TAF6L: variants seen among roughly 807,000 people sequenced by gnomAD.
TAF6L encodes the protein TATA-box binding protein associated factor 6 like, also known as TAF6-like RNA polymerase II p300/CBP-associated factor-associated factor 65 kDa subunit 6L.
Under a neutral mutation model 57.3 loss-of-function variants are expected in TAF6L, and 34 were observed. The observed-to-expected ratio is 0.59, with a 90% CI of 0.45 to 0.79. TAF6L has a LOEUF of 0.79. Among genes scored for constraint, TAF6L ranks in the 30% least tolerant of loss-of-function variants. The pLI is 0.00. For missense variants in TAF6L, 782 were observed against 853.2 expected, an observed-to-expected ratio of 0.92 and a Z score of 1.04; for synonymous variants, 417 against 376.3, an observed-to-expected ratio of 1.11 and a Z score of -1.25.
At chr11:62,775,126 A>T (rs926683892) in intron 1 of TAF6L, among the ~76,000 whole-genome samples, 3 of 152,086 alleles carry the variant, frequency 2.0e-5, no homozygotes, top group Non-Finnish European at 2.9e-5. Context: ...AACTGACTCA[A>T]TGCTGGGGAG....
rs757200174 is a variant in TAF6L, at chr11:62,787,324, T to C, written c.*28T>C. 5.2e-6 allele frequency: 8 copies of C among 1,524,648 alleles called. No homozygotes were observed. In the Middle Eastern group the frequency reaches 5.3e-4, roughly 100 times the overall value. The allele number at this position is 1,524,648 out of a possible 1,614,324, so 94.4% of individuals were successfully genotyped here. Reference sequence around the variant, plus strand: ...CAGTGGCCCCTTCGTTCCTTGTAAATAAATCCCGCCCCCGGAAATGACGTC... The same window carrying C: ...CAGTGGCCCCTTCGTTCCTTGTAAACAAATCCCGCCCCCGGAAATGACGTC... On this transcript the variant is annotated 3_prime_UTR_variant, in exon 11 of 11. Transcript: ENST00000294168.
intron 1 of TAF6L, chr11:62,774,635 T>A: frequency 4.4e-6 from 2 of 455,240 alleles, no homozygotes; most frequent in South Asian, 3.1e-5. Flanking sequence ...CATCAGCTGC[T>A]GTTTTTGTCG....
chr11:62,786,165 G>A, intron 9 of TAF6L, 95 bp from the exon 10 acceptor site: 1 of 1,477,516 alleles, frequency 6.8e-7, no homozygotes, highest in Non-Finnish European at 9.2e-7. Flanking sequence ...CCCTGTCTAG[G>A]ATCAGAGATA....
chr11:62,780,018 T>C (rs1373192601), intron 6 of TAF6L, among the ~76,000 whole-genome samples: 1 of 142,240 alleles, frequency 7.0e-6, no homozygotes, highest in East Asian at 2.1e-4. Context: ...CTCACTGTAT[T>C]GCCCAGGCTG....
chr11:62,772,568 C>T (rs950931004), intron 1 of TAF6L, among the ~76,000 whole-genome samples: 3 of 146,690 alleles, frequency 2.0e-5, no homozygotes, highest in Non-Finnish European at 4.5e-5. Flanking sequence ...GTGGCTCTCA[C>T]GCCTGTAATT....
chr11:62,780,719 C>T lies in TAF6L; in HGVS notation c.532-1175C>T, dbSNP rs187086523. ...CCGAGGTGGGTGGATCATGTGAGGCCGGGAGTTCGAGACCAGCCTGGCCAA... is the reference window on the plus strand; with the variant it reads ...CCGAGGTGGGTGGATCATGTGAGGCTGGGAGTTCGAGACCAGCCTGGCCAA... On this transcript the variant is annotated intron_variant, in intron 6 of 10. Transcript: ENST00000294168. Among the ~76,000 whole-genome samples, 454 of 151,600 alleles carry T rather than the reference C, an allele frequency of 3.0e-3. 6 individuals carry two copies. Among genetic ancestry groups the T allele is most frequent in the African/African-American group, 0.01 (430 of 41,294 alleles).
rs971253299 is a variant in TAF6L, at chr11:62,786,978, C to T, written c.1551C>T (p.Ala517=). 46 of 1,447,966 alleles carry T rather than the reference C, an allele frequency of 3.2e-5. No homozygotes were observed. The Admixed American group carries it at 8.3e-4, about 26-fold the overall frequency. 89.7% of individuals were successfully genotyped at this position (1,447,966 alleles called of 1,614,324 possible). A position where few individuals can be genotyped will look rare whatever the true frequency, so the allele number is the denominator to read the frequency against. ...GCCCCGCGTCGGCCTCTGGGCCCGC[C>T]GCCTCTGAGAGCAGGCCCTTGCCGC... ...GGGPASASGP[A]ASESRPLPRV... Residue 517 remains alanine (A), a synonymous_variant, in exon 11 of 11, where the codon GCC becomes GCT. Transcript: ENST00000294168.
intron 6 of TAF6L, among the ~76,000 whole-genome samples, chr11:62,779,459 T>A (rs1216992338): frequency 1.3e-5 from 2 of 151,996 alleles, no homozygotes; most frequent in South Asian, 2.1e-4. Flanking sequence ...CCTCCTAAAG[T>A]GCTGGGATTA....
chr11:62,786,282 C>G lies in TAF6L; in HGVS notation c.983C>G (p.Pro328Arg), dbSNP rs1273586423. Reference protein sequence around the residue: ...GWKAVERVLYPHLSTYWTNLQ... With the variant: ...GWKAVERVLYRHLSTYWTNLQ... ...CAGGCAGTAGAACGAGTCCTGTACC[C>G]ACACCTGTCCACCTACTGGACAAAC... The change falls in exon 10 of 11, where the codon CCA (proline) becomes CGA (arginine). Residue 328 changes from proline (P) to arginine (R), a missense_variant. Transcript: ENST00000294168. 1.2e-6 allele frequency: 2 copies of G among 1,613,894 alleles called. No individual in the cohort carries two copies. The highest frequency in any genetic ancestry group is 4.5e-5 in the East Asian group (2 of 44,888).
In TAF6L at chr11:62,786,363, G is replaced by A; in HGVS notation, c.1064G>A (p.Gly355Glu). 1 of 1,614,154 alleles carries A rather than the reference G, an allele frequency of 6.2e-7. No individual in the cohort carries two copies. The highest frequency in any genetic ancestry group is 2.2e-5 in the East Asian group (1 of 44,888). Residue 355 changes from glycine (G) to glutamate (E), a missense_variant, in exon 10 of 11, where the codon GGA becomes GAA. This residue lies in a region of TAF6L where 483 missense variants were observed against 445.1 expected (regional missense o/e 1.09). Coordinates refer to ENST00000294168, the MANE Select transcript of TAF6L (RefSeq NM_006473.4). ...TCTAATGCCCAGGTCAAAGCAGATG[G>A]ACACAAAGTCTATGGAGCCATTCTG... is the stretch of plus-strand genomic sequence containing the variant. ...SVSNAQVKADGHKVYGAILVA... is the reference protein window; with the variant it reads ...SVSNAQVKADEHKVYGAILVA...
intron 2 of TAF6L, 77 bp from the exon 3 acceptor site, chr11:62,776,307 T>C (rs1199430236): frequency 6.9e-7 from 1 of 1,454,998 alleles, no homozygotes; most frequent in Non-Finnish European, 9.6e-7. Context: ...CTCTCCAGTC[T>C]GGCCCACTTC....
In TAF6L at chr11:62,786,188, T is replaced by C. The variant is rs114892877; in HGVS notation, c.961-72T>C. The stretch of plus-strand genomic sequence containing the variant: ...AGGATCAGAGATAAAGGTAGGTCTT[T>C]CATGGGAAAGGGTCCTTGAGAGGGA... On this transcript the variant is annotated intron_variant, in intron 9 of 10. Transcript: ENST00000294168. 2,787 of 1,545,862 alleles carry C rather than the reference T, an allele frequency of 1.8e-3. 52 individuals are homozygous for C. In the African/African-American group the frequency reaches 0.034, roughly 19 times the overall value.
rs1177505356 is a variant in TAF6L at position 62,782,814 on chromosome 11, C to G, written c.949C>G (p.Leu317Val). Residue 317 changes from leucine (L) to valine (V), a missense_variant, in exon 9 of 11, where the codon CTT becomes GTT. Leu to Val is a conservative substitution (Grantham distance 32, BLOSUM62 1). Transcript: ENST00000294168. ...TGGAGCCGTGGTGGGGCTGCATGCT[C>G]TTGGCTGGAAGGTGAGCACCCTGGC... Reference protein sequence around the residue: ...HYGAVVGLHALGWKAVERVLY... With the variant: ...HYGAVVGLHAVGWKAVERVLY... The G allele has an allele frequency of 6.2e-7, 1 of 1,614,072 alleles. No homozygotes were observed. Among genetic ancestry groups the G allele is most frequent in the Non-Finnish European group, 8.5e-7 (1 of 1,180,016 alleles).
Position 62,778,037 on chromosome 11 carries a change from A to G in TAF6L, c.294A>G (p.Glu98=). 1 of 1,614,088 alleles carries G rather than the reference A, an allele frequency of 6.2e-7. No homozygotes were observed. Among genetic ancestry groups the G allele is most frequent in the Non-Finnish European group, 8.5e-7 (1 of 1,180,002 alleles). Residue 98 remains glutamate, a synonymous_variant, in exon 4 of 11, where the codon GAA becomes GAG. Coordinates refer to ENST00000294168, the MANE Select transcript of TAF6L (RefSeq NM_006473.4). ...CCATGCGCCCCGCCAGGGAGGGTGA[A>G]CTCTACTTTCCTGAGGATCGAGAGG... ...ALPMRPAREG[E]LYFPEDREVN...
At chr11:62,778,555 G>A in intron 5 of TAF6L, 1 of 637,850 alleles carries the variant, frequency 1.6e-6, no homozygotes, top group East Asian at 2.7e-5. Context: ...TGGATGCTAA[G>A]ACAGAAGTCT....
intron 6 of TAF6L, among the ~76,000 whole-genome samples, chr11:62,781,046 G>C (rs1201496147): frequency 6.6e-6 from 1 of 151,388 alleles, no homozygotes; most frequent in Non-Finnish European, 1.5e-5. Flanking sequence ...GACTAGCCTG[G>C]TCAACATGGC....
chr11:62,779,095 A>G (rs903037353), intron 6 of TAF6L, 132 bp downstream of exon 6: 23 of 692,180 alleles, frequency 3.3e-5, no homozygotes, highest in Admixed American at 1.3e-4. Context: ...ATCTCAGCTC[A>G]CCGCACCCTC....
At chr11:62,779,976 A>ATATATATATATATTTTTTTTTT (rs1294367864) in intron 6 of TAF6L, among the ~76,000 whole-genome samples, 23 of 52,616 alleles carry the variant, frequency 4.4e-4, no homozygotes, top group East Asian at 5.2e-4. Flanking sequence ...ATATATATAT[A>ATATATATATATATTTTTTTTTT]TTTTTTTTTT....
intron 1 of TAF6L, among the ~76,000 whole-genome samples, chr11:62,775,224 G>A (rs1423617205): frequency 6.6e-6 from 1 of 152,158 alleles, no homozygotes; most frequent in Non-Finnish European, 1.5e-5. Flanking sequence ...CCGAGCAAAA[G>A]GGGGAAAAGC....
Sources: allele counts gnomAD v4.1 joint callset (sites outside exome capture counted in the v4.1 genomes callset), GRCh38; gene constraint gnomAD v4.1.1; regional missense constraint gnomAD v4.1.1; transcripts MANE v1.5; gene names NCBI Gene and HGNC (gene_info 2026-07-23, HGNC 2026-07-21).